The following PRSS12 variants were observed in gnomAD, a reference collection of about 807,000 sequenced individuals.
PRSS12 encodes the protein neurotrypsin.
PRSS12 carries 85 observed loss-of-function variants against 104.4 expected under a neutral mutation model. The observed-to-expected ratio is 0.81, with a 90% CI of 0.68 to 0.98. The LOEUF (loss-of-function observed/expected upper bound fraction) is 0.98. Ranked by LOEUF, PRSS12 falls within the 50% of genes least tolerant of loss-of-function variation. PRSS12 has a pLI of 0.00. For missense variants in PRSS12, 1,141 were observed against 1,139.2 expected (o/e 1.00, Z -0.02); for synonymous variants, 454 against 425.2 (o/e 1.07, Z -0.83).
At chr4:118,295,945 CTCT>C in intron 9 of PRSS12, 89 bp from the exon 10 acceptor site, 2 of 1,198,732 alleles carry the variant, frequency 1.7e-6, no homozygotes, top group East Asian at 4.7e-5. Context: ...ATGCTTCCTC[CTCT>C]ATGTCAAAAT....
intron 1 of PRSS12, among the ~76,000 whole-genome samples, chr4:118,346,046 G>A (rs929165262): frequency 2.0e-5 from 3 of 152,166 alleles, no homozygotes; most frequent in African/African-American, 7.2e-5. Flanking sequence ...TTCCAGAAAG[G>A]TTTCCTTGTT....
chr4:118,306,009 A>G (rs1056020122), intron 8 of PRSS12: 5 of 152,218 alleles, frequency 3.3e-5, no homozygotes, highest in Non-Finnish European at 5.9e-5. Context: ...TAATGCTGCA[A>G]TGAACATGGG....
chr4:118,327,429 G>A (rs1197882102), intron 4 of PRSS12, among the ~76,000 whole-genome samples: 1 of 152,086 alleles, frequency 6.6e-6, no homozygotes, highest in East Asian at 1.9e-4. Flanking sequence ...TGGGATTATA[G>A]GCGTGAGACA....
intron 11 of PRSS12, 69 bp from the exon 12 acceptor site, chr4:118,283,180 T>C: frequency 6.4e-7 from 1 of 1,552,442 alleles, no homozygotes; most frequent in East Asian, 2.2e-5. Context: ...GAAGGAAGAC[T>C]AATGAAGATA....
At position 118,352,613 on chromosome 4, in the gene PRSS12, C is replaced by A. The variant is rs751047629; in HGVS notation, c.108G>T (p.Ser36=). Residue 36 remains serine (S), a synonymous_variant, in exon 1 of 13, where the codon TCG becomes TCT. Transcript: ENST00000296498. ...NDSLHHSHRH[S]PPAGPHYPYY... ...AGGGGTAGTGCGGACCCGCAGGGGG[C>A]GAATGGCGGTGGCTGTGGTGGAGGG... 5 of 1,610,900 alleles carry A rather than the reference C, an allele frequency of 3.1e-6. No individual in the cohort carries two copies. In the African/African-American group the frequency reaches 5.3e-5, roughly 17 times the overall value.
chr4:118,289,240 C>A (rs1294858433), intron 11 of PRSS12, among the ~76,000 whole-genome samples: 9 of 152,138 alleles, frequency 5.9e-5, no homozygotes, highest in Admixed American at 5.9e-4. Context: ...AGTTCTAATC[C>A]TGTATAATTA....
At position 118,316,341 on chromosome 4, in the gene PRSS12, C is replaced by T. The variant is rs1352341413; in HGVS notation, c.1151-18G>A. 3 of 1,613,700 alleles carry T rather than the reference C, an allele frequency of 1.9e-6. No individual in the cohort carries two copies. Among genetic ancestry groups the T allele is most frequent in the Non-Finnish European group, 2.5e-6 (3 of 1,179,968 alleles). On this transcript the variant is annotated intron_variant, in intron 5 of 12. Coordinates refer to ENST00000296498, the MANE Select transcript of PRSS12 (RefSeq NM_003619.4). ...GACCCCATCTGTGATAAAGAGGAGA[C>T]ACAGAGACTAAGCAAATCAACTTTC...
chr4:118,319,045 C>T (rs925174386), intron 4 of PRSS12, among the ~76,000 whole-genome samples: 2 of 151,922 alleles, frequency 1.3e-5, no homozygotes, highest in African/African-American at 4.8e-5. Flanking sequence ...CTATTTTAGA[C>T]GCCTAAGTTT....
chr4:118,283,169 A>G lies in PRSS12; in HGVS notation c.2040-58T>C, dbSNP rs1742932094. 5.0e-6 allele frequency: 8 copies of G among 1,584,294 alleles called. No homozygotes were observed. In the Admixed American group the frequency reaches 1.2e-4, roughly 23 times the overall value. Reference sequence around the variant, plus strand: ...CTTCAGATACTGAAAATTATTGTCAAGAAGGAAGACTAATGAAGATACAAG... The same window carrying G: ...CTTCAGATACTGAAAATTATTGTCAGGAAGGAAGACTAATGAAGATACAAG... On this transcript the variant is annotated intron_variant, in intron 11 of 12. Coordinates refer to ENST00000296498, the MANE Select transcript of PRSS12 (RefSeq NM_003619.4).
intron 8 of PRSS12, among the ~76,000 whole-genome samples, chr4:118,300,130 C>T (rs746810429): frequency 3.9e-5 from 6 of 151,994 alleles, no homozygotes; most frequent in Non-Finnish European, 7.4e-5. Flanking sequence ...CTCACCTCAT[C>T]CCCCCAAGTA....
intron 11 of PRSS12, 111 bp downstream of exon 11, chr4:118,294,828 G>T: frequency 6.8e-7 from 1 of 1,470,160 alleles, no homozygotes; most frequent in Non-Finnish European, 9.5e-7. Context: ...GGCACAAGCA[G>T]CGAAAGCTCA....
rs1313369752 is a variant in PRSS12, at chr4:118,299,699, AAAAT to A, written c.1632-765_1632-762del. On this transcript the variant is annotated intron_variant, in intron 8 of 12. Transcript: ENST00000296498. Reference sequence around the variant, plus strand: ...CTGTCTCAAAAATAATAAAATAAATAAAATAAATAAAATAAATAAAATAAAATAA... The same window carrying A: ...CTGTCTCAAAAATAATAAAATAAATAAAATAAAATAAATAAAATAAAATAA... Among the ~76,000 whole-genome samples the A allele has an allele frequency of 4.0e-5, 5 of 124,004 alleles. No homozygotes were observed. In the South Asian group the frequency reaches 1.1e-3, roughly 27 times the overall value. 81.4% of individuals were successfully genotyped at this position (124,004 alleles called of 152,430 possible).
chr4:118,318,204 T>C, intron 5 of PRSS12, among the ~76,000 whole-genome samples, 174 bp downstream of exon 5: 1 of 152,204 alleles, frequency 6.6e-6, no homozygotes, highest in East Asian at 1.9e-4. Flanking sequence ...GGAATAACTA[T>C]GAATAAAAAG....
chr4:118,299,663 AGAG>A (rs1414295163), intron 8 of PRSS12, among the ~76,000 whole-genome samples: 2 of 150,484 alleles, frequency 1.3e-5, no homozygotes, highest in African/African-American at 4.9e-5. Flanking sequence ...TTGGGCAACA[AGAG>A]CAAAACTCTG....
At chr4:118,300,700 T>G (rs564553982) in intron 8 of PRSS12, among the ~76,000 whole-genome samples, 1 of 152,156 alleles carries the variant, frequency 6.6e-6, no homozygotes. Flanking sequence ...TCCTAAAAAC[T>G]ACTCCAAGGA....
chr4:118,281,889 A>T lies in PRSS12; in HGVS notation c.*47T>A. 1.1e-6 allele frequency: 1 copy of T among 900,448 alleles called. No homozygotes were observed. Among genetic ancestry groups the T allele is most frequent in the Non-Finnish European group, 1.9e-6 (1 of 527,574 alleles). 55.8% of individuals were successfully genotyped at this position (900,448 alleles called of 1,614,324 possible). A position where few individuals can be genotyped will look rare whatever the true frequency, so the allele number is the denominator to read the frequency against. On this transcript the variant is annotated 3_prime_UTR_variant, in exon 13 of 13. Coordinates refer to ENST00000296498, the MANE Select transcript of PRSS12 (RefSeq NM_003619.4). ...TGCTGAGTGCTAATAGTGGGGGTTC[A>T]AAGTTTTCCATTTGTTTAAATGCTG...
At position 118,280,681 on chromosome 4, in the gene PRSS12, T is replaced by C. The variant is rs1742822515; in HGVS notation, c.*1255A>G. On this transcript the variant is annotated 3_prime_UTR_variant, in exon 13 of 13. Transcript: ENST00000296498. The stretch of plus-strand genomic sequence containing the variant: ...AGTATCTTGAGTGTGCCTTTTAAAT[T>C]TGAGCATTACTGCTAAGAATGTTCT... 1 of 152,258 alleles carries C rather than the reference T, an allele frequency of 6.6e-6. No homozygotes were observed. The highest frequency in any genetic ancestry group is 2.1e-4 in the South Asian group (1 of 4,832). The allele number at this position is 152,258 out of a possible 1,614,324, so 9.4% of individuals were successfully genotyped here.
chr4:118,352,728 G>C lies in PRSS12; in HGVS notation c.-8C>G. 6.2e-7 allele frequency: 1 copy of C among 1,612,520 alleles called. No individual in the cohort carries two copies. The highest frequency in any genetic ancestry group is 8.5e-7 in the Non-Finnish European group (1 of 1,179,208). On this transcript the variant is annotated 5_prime_UTR_variant, in exon 1 of 13. Coordinates refer to ENST00000296498, the MANE Select transcript of PRSS12 (RefSeq NM_003619.4). ...GAAGCGGGCGAGCGTCATGGTGCCA[G>C]CGCTGCGGGGTCTGGTCCATGCTCC...
Position 118,352,730 on chromosome 4 carries a change from G to T in PRSS12, c.-10C>A. 6.2e-7 allele frequency: 1 copy of T among 1,612,430 alleles called. No homozygotes were observed. On this transcript the variant is annotated 5_prime_UTR_variant, in exon 1 of 13. Coordinates refer to ENST00000296498, the MANE Select transcript of PRSS12 (RefSeq NM_003619.4). ...AGCGGGCGAGCGTCATGGTGCCAGCGCTGCGGGGTCTGGTCCATGCTCCCC... is the reference window on the plus strand; with the variant it reads ...AGCGGGCGAGCGTCATGGTGCCAGCTCTGCGGGGTCTGGTCCATGCTCCCC...
Sources: allele counts gnomAD v4.1 joint callset (sites outside exome capture counted in the v4.1 genomes callset), GRCh38; gene constraint gnomAD v4.1.1; transcripts MANE v1.5; gene names NCBI Gene and HGNC (gene_info 2026-07-23, HGNC 2026-07-21).